Variants in CA10 observed in about 807,000 individuals in gnomAD.
CA10 encodes carbonic anhydrase 10 (inactive), also known as carbonic anhydrase-related protein 10.
A neutral mutation model predicts 44.2 loss-of-function variants in CA10; 14 were observed. The observed-to-expected ratio is 0.32, with a 90% confidence interval of 0.21 to 0.50. The LOEUF (loss-of-function observed/expected upper bound fraction) is 0.50. Among genes scored for constraint, CA10 ranks in the 20% least tolerant of loss-of-function variants. The pLI, the probability that CA10 is intolerant of heterozygous loss-of-function variation, is 0.99. For missense variants in CA10, 350 were observed against 409.7 expected, an observed-to-expected ratio of 0.85 and a Z score of 1.26; for synonymous variants, 159 against 141.6, an observed-to-expected ratio of 1.12 and a Z score of -0.87.
intron 2 of CA10, among the ~76,000 whole-genome samples, chr17:51,939,006 A>G (rs987926414): frequency 9.9e-5 from 15 of 152,256 alleles, no homozygotes; most frequent in East Asian, 5.8e-4. Flanking sequence ...CCACAGGTGT[A>G]TAAAGCAAGA....
chr17:52,113,922 C>A (rs1298137516), intron 1 of CA10, among the ~76,000 whole-genome samples: 1 of 152,134 alleles, frequency 6.6e-6, no homozygotes, highest in Non-Finnish European at 1.5e-5. Flanking sequence ...GAAATCAGAA[C>A]ACCAGGAATG....
intron 1 of CA10, among the ~76,000 whole-genome samples, chr17:52,149,964 T>C (rs1356657254): frequency 6.6e-6 from 1 of 152,182 alleles, no homozygotes; most frequent in East Asian, 1.9e-4. Context: ...TGGGTGATTT[T>C]TACTGACATT....
intron 1 of CA10, among the ~76,000 whole-genome samples, chr17:52,106,594 T>G (rs1298387400): frequency 6.6e-6 from 1 of 152,102 alleles, no homozygotes; most frequent in Non-Finnish European, 1.5e-5. Flanking sequence ...AATGATGGAA[T>G]AGCAAGCTGC....
chr17:51,834,837 C>A (rs1037663167), intron 3 of CA10, among the ~76,000 whole-genome samples: 1 of 152,140 alleles, frequency 6.6e-6, no homozygotes, highest in African/African-American at 2.4e-5. Flanking sequence ...TTAGTGGGGA[C>A]TAGAGGTAAT....
intron 3 of CA10, among the ~76,000 whole-genome samples, chr17:51,787,288 T>C (rs1906326717): frequency 6.6e-6 from 1 of 152,202 alleles, no homozygotes. Context: ...TGGGAGACTT[T>C]CAACTATGGC....
chr17:51,887,201 A>AC lies in CA10; in HGVS notation c.279+43788dup, dbSNP rs966823217. 8.0e-5 allele frequency among the ~76,000 whole-genome samples: 12 copies of AC among 150,694 alleles called. 1 individual carries two copies. Among genetic ancestry groups the AC allele is most frequent in the African/African-American group, 3.0e-4 (12 of 40,664 alleles). ...GAAAGGAAAAAAATGAAAAAAAAAA[A>AC]CCCACAAGTCTTTGTATAGATTTGT... is the stretch of plus-strand genomic sequence containing the variant. On this transcript the variant is annotated intron_variant, in intron 3 of 8. Transcript: ENST00000451037.
At chr17:52,015,805 A>G (rs1387428737) in intron 2 of CA10, among the ~76,000 whole-genome samples, 1 of 152,112 alleles carries the variant, frequency 6.6e-6, no homozygotes, top group African/African-American at 2.4e-5. Context: ...ACTGTTAAGA[A>G]TTTCTGTGGA....
At chr17:51,904,886 A>T (rs896802274) in intron 3 of CA10, among the ~76,000 whole-genome samples, 2 of 152,154 alleles carry the variant, frequency 1.3e-5, no homozygotes, top group African/African-American at 4.8e-5. Flanking sequence ...TTGCTCTGCC[A>T]CTTTTTAGTT....
chr17:51,943,333 T>A (rs756667983), intron 2 of CA10, among the ~76,000 whole-genome samples: 2 of 152,196 alleles, frequency 1.3e-5, no homozygotes, highest in African/African-American at 2.4e-5. Flanking sequence ...CCTAAATAGA[T>A]GCAAGTTCTT....
At chr17:51,660,653 C>T (rs1913970206) in intron 4 of CA10, among the ~76,000 whole-genome samples, 1 of 152,200 alleles carries the variant, frequency 6.6e-6, no homozygotes. Flanking sequence ...GCTCCATTAG[C>T]AGAAGCCCTT....
intron 6 of CA10, among the ~76,000 whole-genome samples, chr17:51,644,503 C>T (rs150596013): frequency 5.3e-5 from 8 of 152,278 alleles, no homozygotes; most frequent in African/African-American, 1.9e-4. Context: ...TGGATGCCAA[C>T]GTCTTCCACA....
At chr17:51,820,268 C>T (rs1050305290) in intron 3 of CA10, among the ~76,000 whole-genome samples, 41 of 142,040 alleles carry the variant, frequency 2.9e-4, no homozygotes, top group Middle Eastern at 3.7e-3. Flanking sequence ...CACTCCAATG[C>T]GTTCTTTTCT....
intron 3 of CA10, chr17:51,748,469 C>T (rs9899188): frequency 5.8e-5 from 57 of 985,470 alleles, no homozygotes; most frequent in Middle Eastern, 5.2e-4. Flanking sequence ...CTTCAAACTG[C>T]TAACATGACT....
At chr17:51,730,620 C>A (rs182327280) in intron 4 of CA10, among the ~76,000 whole-genome samples, 13 of 152,186 alleles carry the variant, frequency 8.5e-5, no homozygotes, top group Non-Finnish European at 1.5e-5. Flanking sequence ...GAAAAGAAAT[C>A]AAATACATGC....
At chr17:51,982,204 G>A (rs1481957372) in intron 2 of CA10, among the ~76,000 whole-genome samples, 1 of 151,990 alleles carries the variant, frequency 6.6e-6, no homozygotes, top group Non-Finnish European at 1.5e-5. Flanking sequence ...TGCTTTCACA[G>A]AGTGTTTTTC....
intron 3 of CA10, among the ~76,000 whole-genome samples, chr17:51,884,839 A>G (rs1212583680): frequency 6.6e-6 from 1 of 152,078 alleles, no homozygotes; most frequent in Non-Finnish European, 1.5e-5. Context: ...GTCACCAGCA[A>G]TCCTAGGAGT....
intron 2 of CA10, among the ~76,000 whole-genome samples, chr17:51,985,092 T>G (rs1176214972): frequency 3.9e-5 from 6 of 151,944 alleles, no homozygotes; most frequent in Admixed American, 3.9e-4. Context: ...ATATCCTTGA[T>G]GAACACATAT....
intron 6 of CA10, among the ~76,000 whole-genome samples, chr17:51,642,048 T>G (rs537823613): frequency 1.3e-5 from 2 of 152,126 alleles, no homozygotes; most frequent in African/African-American, 4.8e-5. Flanking sequence ...TCAACTGAAA[T>G]GAAAAAAGGC....
At chr17:52,084,548 T>C (rs959218765) in intron 1 of CA10, among the ~76,000 whole-genome samples, 2 of 152,058 alleles carry the variant, frequency 1.3e-5, no homozygotes, top group Admixed American at 6.6e-5. Flanking sequence ...CTGAGGAGAT[T>C]TGAGGACCAT....
Sources: gnomAD v4.1 joint callset for allele counts (sites outside exome capture counted in the v4.1 genomes callset) on GRCh38, gnomAD v4.1.1 for gene constraint, MANE v1.5 for transcripts, NCBI Gene and HGNC (gene_info 2026-07-23, HGNC 2026-07-21) for gene names.